Variants in ZNRF2 observed in about 807,000 individuals in gnomAD.
ZNRF2 encodes E3 ubiquitin-protein ligase ZNRF2.
ZNRF2 carries 16 observed loss-of-function variants against 20.4 expected under a neutral mutation model. The observed-to-expected ratio is 0.79, with a 90% CI of 0.53 to 1.19. The LOEUF (loss-of-function observed/expected upper bound fraction) is 1.19. ZNRF2 is among the 50% of genes most tolerant of loss of function. The pLI, the probability that ZNRF2 is intolerant of heterozygous loss-of-function variation, is 0.00. For missense variants in ZNRF2, 363 were observed against 332.4 expected (o/e 1.09, Z -0.72); for synonymous variants, 178 against 144.9 (o/e 1.23, Z -1.64).
intron 1 of ZNRF2, among the ~76,000 whole-genome samples, chr7:30,321,018 G>A (rs1290279827): frequency 2.0e-5 from 3 of 152,132 alleles, no homozygotes; most frequent in African/African-American, 7.2e-5. Context: ...TAGAGATGGA[G>A]GCTATGGAGT....
At chr7:30,364,887 G>T (rs1800184617) in intron 4 of ZNRF2, among the ~76,000 whole-genome samples, 1 of 152,120 alleles carries the variant, frequency 6.6e-6, no homozygotes, top group African/African-American at 2.4e-5. Context: ...GGAAGTCTAA[G>T]ATCAAGGTTC....
chr7:30,296,859 A>G (rs1172889986), intron 1 of ZNRF2, among the ~76,000 whole-genome samples: 1 of 152,212 alleles, frequency 6.6e-6, no homozygotes, highest in African/African-American at 2.4e-5. Context: ...ATGTGTTAGG[A>G]AAGTTACTTC....
At chr7:30,313,724 T>C (rs1043613628) in intron 1 of ZNRF2, among the ~76,000 whole-genome samples, 6 of 152,048 alleles carry the variant, frequency 3.9e-5, no homozygotes, top group African/African-American at 1.4e-4. Flanking sequence ...TGTAGTGAGC[T>C]TGTTTCACAT....
chr7:30,298,872 T>G lies in ZNRF2; in HGVS notation c.469+13046T>G, dbSNP rs1799061571. Among the ~76,000 whole-genome samples, 3 of 152,322 alleles carry G rather than the reference T, an allele frequency of 2.0e-5. No homozygotes were observed. The South Asian group carries it at 6.2e-4, about 32-fold the overall frequency. On this transcript the variant is annotated intron_variant, in intron 1 of 4. Transcript: ENST00000323037. ...TCTTGTGCTTGCCAGTTCTTGTGCC[T>G]GCTGTAAATCAGTTTGCTTCTCTGC...
At chr7:30,349,585 A>T (rs568863332) in intron 2 of ZNRF2, among the ~76,000 whole-genome samples, 204 of 137,916 alleles carry the variant, frequency 1.5e-3, no homozygotes, top group African/African-American at 5.6e-3. Flanking sequence ...ACTGTAAATT[A>T]AAAAAAAAAA....
chr7:30,292,328 A>T (rs1798925941), intron 1 of ZNRF2, among the ~76,000 whole-genome samples: 1 of 152,218 alleles, frequency 6.6e-6, no homozygotes, highest in Admixed American at 6.5e-5. Context: ...AGTTTCTAAC[A>T]TCACATTAAA....
At chr7:30,325,928 T>G (rs1453895349) in intron 2 of ZNRF2, among the ~76,000 whole-genome samples, 2 of 152,164 alleles carry the variant, frequency 1.3e-5, no homozygotes, top group African/African-American at 4.8e-5. Flanking sequence ...TCATACCTGC[T>G]CCACTATCTT....
intron 1 of ZNRF2, among the ~76,000 whole-genome samples, chr7:30,304,297 T>C (rs1213353998): frequency 2.0e-5 from 3 of 152,186 alleles, no homozygotes; most frequent in Non-Finnish European, 2.9e-5. Flanking sequence ...CAAGTACTTA[T>C]TCCACTATAT....
intron 1 of ZNRF2, among the ~76,000 whole-genome samples, chr7:30,311,316 G>A (rs978108793): frequency 1.3e-5 from 2 of 152,178 alleles, no homozygotes; most frequent in Non-Finnish European, 2.9e-5. Context: ...GCTGTAGGAT[G>A]TTAATTCCTT....
At chr7:30,296,018 G>A (rs938285066) in intron 1 of ZNRF2, among the ~76,000 whole-genome samples, 1 of 152,004 alleles carries the variant, frequency 6.6e-6, no homozygotes, top group African/African-American at 2.4e-5. Flanking sequence ...GAGTTTTTCA[G>A]CACATTTACT....
intron 1 of ZNRF2, among the ~76,000 whole-genome samples, chr7:30,322,609 G>A (rs1040123318): frequency 2.6e-5 from 4 of 151,648 alleles, no homozygotes; most frequent in Non-Finnish European, 2.9e-5. Flanking sequence ...TGACCTTTCT[G>A]CTTAAGCTCT....
At chr7:30,312,767 A>G (rs1277650981) in intron 1 of ZNRF2, among the ~76,000 whole-genome samples, 2 of 152,176 alleles carry the variant, frequency 1.3e-5, no homozygotes, top group Admixed American at 1.3e-4. Flanking sequence ...TTTCATTAAG[A>G]CTGTAACTAC....
intron 1 of ZNRF2, among the ~76,000 whole-genome samples, chr7:30,320,781 A>G (rs1299269290): frequency 6.6e-6 from 1 of 152,112 alleles, no homozygotes; most frequent in Non-Finnish European, 1.5e-5. Flanking sequence ...TTTGTTTTTG[A>G]TATACATTGC....
chr7:30,360,527 GAA>G (rs11341697), intron 3 of ZNRF2, among the ~76,000 whole-genome samples: 73 of 144,748 alleles, frequency 5.0e-4, no homozygotes, highest in African/African-American at 1.4e-3. Context: ...GTCTCTACTG[GAA>G]AAAAAAAAAA....
intron 2 of ZNRF2, among the ~76,000 whole-genome samples, chr7:30,353,904 C>T (rs1441680386): frequency 2.6e-5 from 4 of 152,052 alleles, no homozygotes; most frequent in Non-Finnish European, 5.9e-5. Context: ...TGAAAAAATA[C>T]GTAAGTGGTG....
intron 1 of ZNRF2, among the ~76,000 whole-genome samples, chr7:30,306,507 C>A (rs188783339): frequency 6.6e-6 from 1 of 152,104 alleles, no homozygotes; most frequent in Non-Finnish European, 1.5e-5. Flanking sequence ...CGTCACTGTT[C>A]ATTTGTTTAG....
chr7:30,338,678 G>A (rs1799753490), intron 2 of ZNRF2, among the ~76,000 whole-genome samples: 1 of 152,044 alleles, frequency 6.6e-6, no homozygotes, highest in Middle Eastern at 3.4e-3. Flanking sequence ...GTCTTTCATT[G>A]ATGGCATTTG....
chr7:30,296,876 ACT>A (rs1248046972), intron 1 of ZNRF2, among the ~76,000 whole-genome samples: 3 of 152,210 alleles, frequency 2.0e-5, no homozygotes, highest in Admixed American at 6.5e-5. Context: ...CTTCATAAGC[ACT>A]GTCTCTTTTG....
intron 1 of ZNRF2, among the ~76,000 whole-genome samples, chr7:30,287,137 T>C (rs1798806636): frequency 6.6e-6 from 1 of 152,240 alleles, no homozygotes; most frequent in Non-Finnish European, 1.5e-5. Flanking sequence ...AAAATTGGGC[T>C]ATTTTTAAAA....
Sources: allele counts gnomAD v4.1 joint callset (sites outside exome capture counted in the v4.1 genomes callset), GRCh38; gene constraint gnomAD v4.1.1; transcripts MANE v1.5; gene names NCBI Gene and HGNC (gene_info 2026-07-23, HGNC 2026-07-21).